Variants in PDE3A observed in about 807,000 individuals in gnomAD.
PDE3A encodes cGMP-inhibited 3',5'-cyclic phosphodiesterase 3A.
A neutral mutation model predicts 98.3 loss-of-function variants in PDE3A; 43 were observed. The observed-to-expected ratio is 0.44, with a 90% CI of 0.34 to 0.56. The LOEUF (loss-of-function observed/expected upper bound fraction) is 0.56, where lower values mean the gene tolerates loss of function less well. PDE3A is among the 20% of genes least tolerant of loss of function. The pLI is 0.01. For synonymous variants in PDE3A, 663 were observed against 567.9 expected (o/e 1.17, Z -2.38); for missense variants, 1,427 against 1,440.7 (o/e 0.99, Z 0.15).
intron 1 of PDE3A, among the ~76,000 whole-genome samples, chr12:20,408,077 C>A (rs140706129): frequency 1.3e-5 from 2 of 151,956 alleles, no homozygotes; most frequent in African/African-American, 4.8e-5. Context: ...CGCGCCACCA[C>A]GCCCAGCTAA....
At chr12:20,561,111 A>C (rs1345389480) in intron 2 of PDE3A, among the ~76,000 whole-genome samples, 2 of 149,654 alleles carry the variant, frequency 1.3e-5, no homozygotes, top group East Asian at 1.9e-4. Context: ...AGATACAAAA[A>C]TTAGCCAGGA....
chr12:20,494,082 T>C (rs1164861880), intron 1 of PDE3A, among the ~76,000 whole-genome samples: 2 of 152,216 alleles, frequency 1.3e-5, no homozygotes, highest in Non-Finnish European at 2.9e-5. Flanking sequence ...TAACCTCTAA[T>C]TTTGGATTCA....
intron 6 of PDE3A, among the ~76,000 whole-genome samples, chr12:20,631,943 G>C (rs1415476950): frequency 1.7e-5 from 1 of 58,574 alleles, no homozygotes; most frequent in Admixed American, 1.6e-4. Flanking sequence ...AATTGTTGTG[G>C]TTTCCCCCTG....
intron 2 of PDE3A, among the ~76,000 whole-genome samples, chr12:20,590,639 G>GAGAGGAAAAGGA (rs1174238121): frequency 6.6e-6 from 1 of 151,640 alleles, no homozygotes; most frequent in Non-Finnish European, 1.5e-5. Context: ...GAAAGGAAAG[G>GAGAGGAAAAGGA]AGAGGAAAAG....
chr12:20,541,737 A>T (rs1193722215), intron 1 of PDE3A, among the ~76,000 whole-genome samples: 1 of 152,116 alleles, frequency 6.6e-6, no homozygotes, highest in Non-Finnish European at 1.5e-5. Context: ...TTCTGCAAAA[A>T]AAGCATTGGT....
At chr12:20,595,642 C>T (rs924128017) in intron 2 of PDE3A, among the ~76,000 whole-genome samples, 12 of 152,106 alleles carry the variant, frequency 7.9e-5, no homozygotes, top group African/African-American at 1.4e-4. Context: ...GATAATATAG[C>T]AAGTTTAAAG....
intron 1 of PDE3A, among the ~76,000 whole-genome samples, chr12:20,377,185 G>A (rs892160006): frequency 6.6e-6 from 1 of 151,722 alleles, no homozygotes; most frequent in African/African-American, 2.4e-5. Flanking sequence ...AAGAAACAGT[G>A]TCACCCAGTG....
intron 10 of PDE3A, among the ~76,000 whole-genome samples, chr12:20,645,001 G>A (rs1944742428): frequency 6.6e-6 from 1 of 151,052 alleles, no homozygotes; most frequent in African/African-American, 2.4e-5. Context: ...CGATTCTCCT[G>A]CCTCAGCCTC....
At chr12:20,473,390 A>G (rs1225694300) in intron 1 of PDE3A, among the ~76,000 whole-genome samples, 1 of 152,118 alleles carries the variant, frequency 6.6e-6, no homozygotes, top group Non-Finnish European at 1.5e-5. Context: ...AGGAATCTGT[A>G]TTTTCAACAT....
In PDE3A at chr12:20,668,730, A is replaced by G. The variant is rs1441345648; in HGVS notation, c.3185-11300A>G. 7.4e-3 allele frequency among the ~76,000 whole-genome samples: 1,112 copies of G among 151,080 alleles called. 6 individuals are homozygous for G. Among genetic ancestry groups the G allele is most frequent in the Non-Finnish European group, 9.5e-3 (640 of 67,554 alleles). On this transcript the variant is annotated intron_variant, in intron 15 of 15. Coordinates refer to ENST00000359062, the MANE Select transcript of PDE3A (RefSeq NM_000921.5). ...CCATCATCAAAGACCAAAAGTAGAT[A>G]AAACCACAAAGATGGGGAAAAAACA...
intron 1 of PDE3A, among the ~76,000 whole-genome samples, chr12:20,427,711 T>C (rs1944624424): frequency 6.6e-6 from 1 of 152,194 alleles, no homozygotes; most frequent in East Asian, 1.9e-4. Context: ...ACATTTATAA[T>C]GTATGTATTT....
chr12:20,578,508 C>T (rs4283037), intron 2 of PDE3A, among the ~76,000 whole-genome samples: 59,607 of 149,458 alleles, frequency 0.4, 12,141 homozygotes, highest in Admixed American at 0.46. Context: ...CACACACACA[C>T]GTAGTACTCA....
At chr12:20,475,213 G>GTGTGTGTGTA (rs1945510249) in intron 1 of PDE3A, among the ~76,000 whole-genome samples, 1 of 146,546 alleles carries the variant, frequency 6.8e-6, no homozygotes, top group Non-Finnish European at 1.5e-5. Context: ...GTGTGTGTGT[G>GTGTGTGTGTA]TGTGTATGTT....
chr12:20,612,515 A>T (rs954488434), intron 2 of PDE3A, among the ~76,000 whole-genome samples: 1 of 150,748 alleles, frequency 6.6e-6, no homozygotes, highest in Non-Finnish European at 1.5e-5. Flanking sequence ...TTATAATTTC[A>T]AGATTATAAA....
At chr12:20,404,747 C>T (rs1168856773) in intron 1 of PDE3A, among the ~76,000 whole-genome samples, 1 of 151,432 alleles carries the variant, frequency 6.6e-6, no homozygotes, top group Non-Finnish European at 1.5e-5. Flanking sequence ...TATTTCCTTT[C>T]CAGGCATGAT....
chr12:20,375,449 A>G (rs1244335430), intron 1 of PDE3A, among the ~76,000 whole-genome samples: 2 of 151,944 alleles, frequency 1.3e-5, no homozygotes, highest in Admixed American at 6.6e-5. Flanking sequence ...AGATTTGATC[A>G]CTGAGAAAAA....
intron 1 of PDE3A, among the ~76,000 whole-genome samples, chr12:20,372,515 T>C (rs1361916689): frequency 1.3e-5 from 2 of 152,046 alleles, no homozygotes; most frequent in African/African-American, 4.8e-5. Context: ...CAGTGTACTA[T>C]CTTATAAGAT....
At chr12:20,528,336 C>T (rs1946564623) in intron 1 of PDE3A, among the ~76,000 whole-genome samples, 1 of 152,236 alleles carries the variant, frequency 6.6e-6, no homozygotes, top group Non-Finnish European at 1.5e-5. Context: ...TCTGTGCTAG[C>T]ACACTGGTGT....
intron 2 of PDE3A, among the ~76,000 whole-genome samples, chr12:20,612,080 A>C (rs1943871083): frequency 6.6e-6 from 1 of 151,978 alleles, no homozygotes. Context: ...TGATAGGCTT[A>C]GCAAAGTTTC....
Sources: gnomAD v4.1 joint callset for allele counts (sites outside exome capture counted in the v4.1 genomes callset) on GRCh38, gnomAD v4.1.1 for gene constraint, MANE v1.5 for transcripts, NCBI Gene and HGNC (gene_info 2026-07-23, HGNC 2026-07-21) for gene names.